MACROD2: variants seen among roughly 807,000 people sequenced by gnomAD.
MACROD2 encodes the protein mono-ADP ribosylhydrolase 2, also known as ADP-ribose glycohydrolase MACROD2.
A neutral mutation model predicts 70.4 loss-of-function variants in MACROD2; 36 were observed. The observed-to-expected ratio is 0.51, with a 90% confidence interval of 0.39 to 0.68. The LOEUF (loss-of-function observed/expected upper bound fraction) is 0.68, where lower values mean the gene tolerates loss of function less well. Among genes scored for constraint, MACROD2 ranks in the 30% least tolerant of loss-of-function variants. MACROD2 has a pLI of 0.00. For missense variants in MACROD2, 496 were observed against 538.4 expected, an observed-to-expected ratio of 0.92 and a Z score of 0.78; for synonymous variants, 172 against 178.8, an observed-to-expected ratio of 0.96 and a Z score of 0.30.
At position 15,445,973 on chromosome 20, in the gene MACROD2, T is replaced by A. The variant is rs184754028; in HGVS notation, c.571+14538T>A. The stretch of plus-strand genomic sequence containing the variant: ...CTTTGAACTGTAGTTCCAAGCTTCC[T>A]CATATGTTAGATGGGAACAGCATTA... On this transcript the variant is annotated intron_variant, in intron 7 of 17. Coordinates refer to ENST00000684519, the MANE Select transcript of MACROD2 (RefSeq NM_001351661.2). 2.5e-3 allele frequency among the ~76,000 whole-genome samples: 380 copies of A among 152,284 alleles called. 1 individual carries two copies. Among genetic ancestry groups the A allele is most frequent in the Non-Finnish European group, 4.1e-3 (276 of 68,016 alleles).
chr20:15,885,644 GTC>G, intron 9 of MACROD2, 118 bp from the exon 10 acceptor site: 1 of 914,840 alleles, frequency 1.1e-6, no homozygotes. Flanking sequence ...TGTTTTAACA[GTC>G]TGTTTTCTAC....
chr20:15,199,086 G>A (rs1158249549), intron 5 of MACROD2, among the ~76,000 whole-genome samples: 1 of 143,460 alleles, frequency 7.0e-6, no homozygotes, highest in Non-Finnish European at 1.5e-5. Context: ...AATCTGCACT[G>A]TAGGCCAAGT....
intron 5 of MACROD2, among the ~76,000 whole-genome samples, chr20:14,700,033 A>G (rs1306235793): frequency 2.6e-5 from 4 of 152,008 alleles, no homozygotes; most frequent in Non-Finnish European, 4.4e-5. Context: ...AGAAGTTTAA[A>G]GTTTAAAGTT....
intron 5 of MACROD2, among the ~76,000 whole-genome samples, chr20:14,847,397 G>A (rs1725108072): frequency 6.6e-6 from 1 of 151,858 alleles, no homozygotes. Flanking sequence ...CCCAGGTGTG[G>A]AATTAAGGTA....
chr20:15,662,600 A>G (rs2049836963), intron 8 of MACROD2, among the ~76,000 whole-genome samples: 1 of 152,214 alleles, frequency 6.6e-6, no homozygotes, highest in Non-Finnish European at 1.5e-5. Flanking sequence ...ATTCTTATAT[A>G]CAAGCATGCT....
intron 5 of MACROD2, among the ~76,000 whole-genome samples, chr20:14,955,625 C>A (rs1015796955): frequency 2.0e-5 from 3 of 152,100 alleles, no homozygotes; most frequent in Non-Finnish European, 4.4e-5. Context: ...ACCCTTCCCC[C>A]ACTACTGCCC....
At chr20:14,653,206 A>G (rs1351941086) in intron 4 of MACROD2, among the ~76,000 whole-genome samples, 1 of 144,766 alleles carries the variant, frequency 6.9e-6, no homozygotes, top group African/African-American at 2.6e-5. Flanking sequence ...ATTCACCAAC[A>G]TGTACAGCAA....
intron 5 of MACROD2, among the ~76,000 whole-genome samples, chr20:14,704,968 A>G (rs1315168637): frequency 6.6e-6 from 1 of 151,424 alleles, no homozygotes; most frequent in Admixed American, 6.6e-5. Flanking sequence ...TTTTTTTTCA[A>G]TACATTTAAT....
chr20:15,126,480 T>G (rs956176889), intron 5 of MACROD2, among the ~76,000 whole-genome samples: 4 of 152,032 alleles, frequency 2.6e-5, no homozygotes, highest in African/African-American at 9.7e-5. Flanking sequence ...TTATTTTGAT[T>G]TAATAAAATT....
rs1274197254 is a variant in MACROD2, at chr20:14,250,616, G to T, written c.271+164888G>T. Among the ~76,000 whole-genome samples, 4 of 152,058 alleles carry T rather than the reference G, an allele frequency of 2.6e-5. No homozygotes were observed. In the East Asian group the frequency reaches 7.7e-4, roughly 29 times the overall value. ...GATTGGGGAATTGTAGATGGATCAGGCATTGTCTGATTCCCTTATTTTCTT... is the reference window on the plus strand; with the variant it reads ...GATTGGGGAATTGTAGATGGATCAGTCATTGTCTGATTCCCTTATTTTCTT... On this transcript the variant is annotated intron_variant, in intron 3 of 17. Transcript: ENST00000684519.
At chr20:15,393,626 T>A (rs2045822462) in intron 6 of MACROD2, among the ~76,000 whole-genome samples, 1 of 152,360 alleles carries the variant, frequency 6.6e-6, no homozygotes, top group African/African-American at 2.4e-5. Context: ...TTCATTTCAA[T>A]GTCCGCTGTT....
At position 14,229,827 on chromosome 20, in the gene MACROD2, G is replaced by A. The variant is rs958550214; in HGVS notation, c.271+144099G>A. ...ATGTCCTTCAGTGGAAAAATGCATA[G>A]ACAAACTATGGTACACAGATATAAT... On this transcript the variant is annotated intron_variant, in intron 3 of 17. Coordinates refer to ENST00000684519, the MANE Select transcript of MACROD2 (RefSeq NM_001351661.2). 6.6e-5 allele frequency among the ~76,000 whole-genome samples: 10 copies of A among 152,174 alleles called. 1 individual carries two copies. The highest frequency in any genetic ancestry group is 5.9e-4 in the Admixed American group (9 of 15,270).
rs1368996492 is a variant in MACROD2 at position 14,389,693 on chromosome 20, C to T, written c.272-103786C>T. The stretch of plus-strand genomic sequence containing the variant: ...TTTTTACATTTGCTTATATTTCTCT[C>T]AATGGCAAATGGCACCATGTACAAT... On this transcript the variant is annotated intron_variant, in intron 3 of 17. Coordinates refer to ENST00000684519, the MANE Select transcript of MACROD2 (RefSeq NM_001351661.2). Among the ~76,000 whole-genome samples, 3 of 152,194 alleles carry T rather than the reference C, an allele frequency of 2.0e-5. No homozygotes were observed. The South Asian group carries it at 6.2e-4, about 31-fold the overall frequency.
intron 6 of MACROD2, among the ~76,000 whole-genome samples, chr20:15,291,718 G>A (rs896277864): frequency 6.6e-5 from 10 of 151,922 alleles, no homozygotes; most frequent in Admixed American, 5.3e-4. Flanking sequence ...GACTAAAAAA[G>A]GGAAAAAATT....
chr20:14,551,898 A>T (rs572920103), intron 4 of MACROD2, among the ~76,000 whole-genome samples: 3 of 152,142 alleles, frequency 2.0e-5, no homozygotes, highest in East Asian at 1.9e-4. Context: ...CTGTATGTGC[A>T]TGAATATGTC....
chr20:14,163,229 A>G (rs950927351), intron 3 of MACROD2, among the ~76,000 whole-genome samples: 1 of 152,170 alleles, frequency 6.6e-6, no homozygotes, highest in African/African-American at 2.4e-5. Flanking sequence ...TATAGTATAC[A>G]TGGCTGTCAG....
intron 3 of MACROD2, chr20:14,325,504 C>G (rs1382891526): frequency 1.3e-6 from 2 of 1,539,178 alleles, no homozygotes; most frequent in East Asian, 4.5e-5. Flanking sequence ...CTACCATCAC[C>G]TCCCTTAGGT....
At chr20:14,929,222 T>C (rs6042998) in intron 5 of MACROD2, among the ~76,000 whole-genome samples, 21,966 of 152,132 alleles carry the variant, frequency 0.14, 1,744 homozygotes, top group South Asian at 0.19. Context: ...AAGGAATCAG[T>C]CCCACAGACT....
In MACROD2 at chr20:15,469,354, T is replaced by C. The variant is rs145711656; in HGVS notation, c.572-30420T>C. ...AAAGAAGGTAGCACAGGTGAGGGCA[T>C]GGAAACTGGAACAAACAGGGTACAC... On this transcript the variant is annotated intron_variant, in intron 7 of 17. Transcript: ENST00000684519. Among the ~76,000 whole-genome samples the C allele has an allele frequency of 2.5e-4, 38 of 152,238 alleles. 2 individuals are homozygous for C. The East Asian group carries it at 7.1e-3, about 29-fold the overall frequency.
Sources: gnomAD v4.1 joint callset for allele counts (sites outside exome capture counted in the v4.1 genomes callset) on GRCh38, gnomAD v4.1.1 for gene constraint, MANE v1.5 for transcripts, NCBI Gene and HGNC (gene_info 2026-07-23, HGNC 2026-07-21) for gene names.